TNRC6B: variants seen among roughly 807,000 people sequenced by gnomAD.
The protein encoded by TNRC6B is trinucleotide repeat containing adaptor 6B.
TNRC6B carries 52 observed loss-of-function variants against 203.6 expected under a neutral mutation model. The ratio of observed to expected loss-of-function variants is 0.26; its 90% confidence interval spans 0.20 to 0.32. The LOEUF is 0.32. TNRC6B is among the 10% of genes least tolerant of loss of function. The pLI is 1.00. For synonymous variants in TNRC6B, 838 were observed against 845.7 expected, an observed-to-expected ratio of 0.99 and a Z score of 0.16; for missense variants, 1,923 against 2,286.2, an observed-to-expected ratio of 0.84 and a Z score of 3.24.
intron 15 of TNRC6B, among the ~76,000 whole-genome samples, chr22:40,306,154 G>C (rs1343469567): frequency 6.6e-6 from 1 of 152,126 alleles, no homozygotes; most frequent in Non-Finnish European, 1.5e-5. Flanking sequence ...ATCAGCGAGT[G>C]TGGTGGCAGG....
At chr22:40,159,603 C>T (rs2068853694) in intron 4 of TNRC6B, among the ~76,000 whole-genome samples, 2 of 151,332 alleles carry the variant, frequency 1.3e-5, no homozygotes, top group Non-Finnish European at 2.9e-5. Context: ...TGTGCCACTG[C>T]ACTGCAGCCT....
chr22:40,095,931 C>T (rs1342520247), intron 1 of TNRC6B, among the ~76,000 whole-genome samples: 3 of 152,010 alleles, frequency 2.0e-5, no homozygotes, highest in African/African-American at 4.8e-5. Flanking sequence ...TAAAGTGGCT[C>T]ATCCATGTCA....
At chr22:40,285,113 A>G (rs1452717854) in intron 11 of TNRC6B, among the ~76,000 whole-genome samples, 3 of 152,162 alleles carry the variant, frequency 2.0e-5, no homozygotes, top group African/African-American at 7.2e-5. Flanking sequence ...CTCACTGGGT[A>G]ATTGAGTCAC....
intron 1 of TNRC6B, among the ~76,000 whole-genome samples, chr22:40,075,156 A>ATATATATATTTTTTT: frequency 1.1e-4 from 4 of 35,568 alleles, no homozygotes; most frequent in Admixed American, 4.9e-4. Context: ...ATATATATAT[A>ATATATATATTTTTTT]TTTTTTTTTT....
intron 1 of TNRC6B, among the ~76,000 whole-genome samples, chr22:40,080,450 T>C (rs1323971173): frequency 1.3e-5 from 2 of 152,200 alleles, no homozygotes; most frequent in Non-Finnish European, 1.5e-5. Flanking sequence ...GAAGCACTTT[T>C]GTTAAGCAGT....
At chr22:40,156,075 G>C in intron 3 of TNRC6B, 3 of 1,551,562 alleles carry the variant, frequency 1.9e-6, no homozygotes, top group Admixed American at 1.9e-5. Context: ...TCGCATTGTA[G>C]TTACTGACTG....
At position 40,301,200 on chromosome 22, in the gene TNRC6B, G is replaced by A; in HGVS notation, c.3987G>A (p.Arg1329=). The change falls in exon 15 of 23, where the codon AGG becomes AGA. Residue 1329 remains arginine, a synonymous_variant. Transcript: ENST00000454349. ...ALQQQQQQQQ[R]QPGMKHSPSH... ...AGCAGCAGCAGCAGCAGCAGCAGAG[G>A]CAGCCAGGCATGAAGCACTCGCCCT... The A allele has an allele frequency of 6.4e-7, 1 of 1,554,134 alleles. No individual in the cohort carries two copies. The highest frequency in any genetic ancestry group is 8.7e-7 in the Non-Finnish European group (1 of 1,148,328).
At chr22:40,108,194 C>T (rs576406508) in intron 1 of TNRC6B, among the ~76,000 whole-genome samples, 1 of 152,116 alleles carries the variant, frequency 6.6e-6, no homozygotes, top group Admixed American at 6.6e-5. Flanking sequence ...CAGGAGAGCA[C>T]AGTGGAGGCT....
intron 3 of TNRC6B, among the ~76,000 whole-genome samples, chr22:40,154,163 C>G (rs996629498): frequency 6.6e-6 from 1 of 151,860 alleles, no homozygotes; most frequent in Non-Finnish European, 1.5e-5. Flanking sequence ...TTCTTTATAT[C>G]TTTAAATATA....
chr22:40,054,998 T>C (rs1023762816), intron 1 of TNRC6B, among the ~76,000 whole-genome samples: 1 of 152,092 alleles, frequency 6.6e-6, no homozygotes, highest in African/African-American at 2.4e-5. Context: ...GATTGCACCA[T>C]TAAGCTCCAG....
At chr22:40,147,820 A>C (rs1471731683) in intron 3 of TNRC6B, among the ~76,000 whole-genome samples, 1 of 152,222 alleles carries the variant, frequency 6.6e-6, no homozygotes, top group Non-Finnish European at 1.5e-5. Flanking sequence ...CAAAAGAGGC[A>C]AATCTGTAGA....
intron 1 of TNRC6B, among the ~76,000 whole-genome samples, chr22:40,201,106 T>G (rs957491090): frequency 6.6e-6 from 1 of 152,212 alleles, no homozygotes; most frequent in African/African-American, 2.4e-5. Context: ...AAATGGTAGC[T>G]CCCACTGAGG....
rs145286280 is a variant in TNRC6B, at chr22:40,295,351, G to A, written c.3709-5104G>A. Reference sequence around the variant, plus strand: ...AAGGTAAGCGTGGTGGCGGGCACCCGTAATCCCAGTTACTCAGGAGGCTGA... The same window carrying A: ...AAGGTAAGCGTGGTGGCGGGCACCCATAATCCCAGTTACTCAGGAGGCTGA... On this transcript the variant is annotated intron_variant, in intron 12 of 22. Transcript: ENST00000454349. Among the ~76,000 whole-genome samples the A allele has an allele frequency of 7.8e-3, 1,182 of 152,018 alleles. 15 individuals are homozygous for A. The highest frequency in any genetic ancestry group is 0.027 in the African/African-American group (1,134 of 41,444).
At chr22:40,099,337 T>C (rs914858403) in intron 1 of TNRC6B, among the ~76,000 whole-genome samples, 3 of 152,186 alleles carry the variant, frequency 2.0e-5, no homozygotes, top group Admixed American at 2.0e-4. Flanking sequence ...TAGCCAGTTA[T>C]TAAAAAATCA....
chr22:40,155,491 GT>G (rs918191215), intron 3 of TNRC6B, among the ~76,000 whole-genome samples: 6 of 152,192 alleles, frequency 3.9e-5, no homozygotes, highest in Admixed American at 2.0e-4. Flanking sequence ...GTTTCACCAT[GT>G]TGGCCAGGAT....
chr22:40,227,869 T>C (rs919450890), intron 1 of TNRC6B, among the ~76,000 whole-genome samples: 1 of 152,240 alleles, frequency 6.6e-6, no homozygotes, highest in Non-Finnish European at 1.5e-5. Flanking sequence ...TTATAAGTTC[T>C]CAGTTTTTCT....
chr22:40,099,269 GAAA>G (rs1043194937), intron 1 of TNRC6B, among the ~76,000 whole-genome samples: 3 of 148,344 alleles, frequency 2.0e-5, no homozygotes, highest in Non-Finnish European at 4.5e-5. Flanking sequence ...AAAAAAAAAG[GAAA>G]AAAAAACATA....
intron 1 of TNRC6B, among the ~76,000 whole-genome samples, chr22:40,078,158 C>A (rs929484697): frequency 6.6e-6 from 1 of 152,188 alleles, no homozygotes; most frequent in Non-Finnish European, 1.5e-5. Context: ...GTGGAAACTT[C>A]TTTCATGAAG....
intron 1 of TNRC6B, among the ~76,000 whole-genome samples, chr22:40,195,512 G>GA (rs928700979): frequency 2.6e-5 from 4 of 152,056 alleles, no homozygotes; most frequent in Admixed American, 1.3e-4. Context: ...ACCCAGGCTG[G>GA]AGTGCAATGG....
Sources: gnomAD v4.1 joint callset for allele counts (sites outside exome capture counted in the v4.1 genomes callset) on GRCh38, gnomAD v4.1.1 for gene constraint, MANE v1.5 for transcripts, NCBI Gene and HGNC (gene_info 2026-07-23, HGNC 2026-07-21) for gene names.